TMTC1: variants seen among roughly 807,000 people sequenced by gnomAD.
TMTC1 encodes the protein protein O-mannosyl-transferase TMTC1.
A neutral mutation model predicts 104.8 loss-of-function variants in TMTC1; 73 were observed. The observed-to-expected ratio is 0.70, with a 90% CI of 0.58 to 0.85. The LOEUF (loss-of-function observed/expected upper bound fraction) is 0.85, where lower values mean the gene tolerates loss of function less well. Among genes scored for constraint, TMTC1 ranks in the 40% least tolerant of loss-of-function variants. The pLI is 0.00. For synonymous variants in TMTC1, 434 were observed against 428.7 expected (o/e 1.01, Z -0.15); for missense variants, 1,035 against 1,096.1 (o/e 0.94, Z 0.79).
intron 5 of TMTC1, among the ~76,000 whole-genome samples, chr12:29,699,649 C>CTTTTTT (rs71444337): frequency 1.0e-4 from 9 of 86,876 alleles, no homozygotes; most frequent in Admixed American, 1.5e-4. Context: ...TCATCTGGTG[C>CTTTTTT]TTTTTTTTTT....
chr12:29,761,902 C>T (rs764680922), intron 2 of TMTC1, among the ~76,000 whole-genome samples: 5 of 152,116 alleles, frequency 3.3e-5, no homozygotes, highest in South Asian at 2.1e-4. Context: ...TGGAGGTGGT[C>T]GGACGCAGTG....
At chr12:29,525,705 G>A (rs999099228) in intron 11 of TMTC1, among the ~76,000 whole-genome samples, 2 of 152,044 alleles carry the variant, frequency 1.3e-5, no homozygotes, top group Non-Finnish European at 2.9e-5. Flanking sequence ...TTAGGGATAT[G>A]GGCCCTCTAC....
intron 10 of TMTC1, among the ~76,000 whole-genome samples, chr12:29,543,331 G>GT (rs1475208711): frequency 1.3e-5 from 2 of 152,212 alleles, no homozygotes; most frequent in Non-Finnish European, 2.9e-5. Context: ...GGGTAAGTTT[G>GT]TCAATTTAGA....
intron 7 of TMTC1, among the ~76,000 whole-genome samples, chr12:29,592,532 G>A (rs778545772): frequency 6.6e-6 from 1 of 152,112 alleles, no homozygotes; most frequent in Non-Finnish European, 1.5e-5. Context: ...AAATGCCAAT[G>A]CTTTCACCTT....
At chr12:29,709,648 C>T (rs983854861) in intron 5 of TMTC1, among the ~76,000 whole-genome samples, 3 of 152,184 alleles carry the variant, frequency 2.0e-5, no homozygotes, top group Non-Finnish European at 4.4e-5. Context: ...AAGCCTCTCT[C>T]TCTTTTCTCT....
At chr12:29,734,677 C>T (rs189250202) in intron 5 of TMTC1, among the ~76,000 whole-genome samples, 22 of 152,268 alleles carry the variant, frequency 1.4e-4, no homozygotes, top group Admixed American at 3.9e-4. Flanking sequence ...GCCACACTAG[C>T]GATTTTTCAA....
At chr12:29,693,364 T>C (rs1213611248) in intron 5 of TMTC1, among the ~76,000 whole-genome samples, 1 of 144,624 alleles carries the variant, frequency 6.9e-6, no homozygotes, top group African/African-American at 2.5e-5. Flanking sequence ...TTTCTTTGTG[T>C]TGGGTAGATT....
intron 2 of TMTC1, among the ~76,000 whole-genome samples, chr12:29,760,426 T>C: frequency 6.6e-6 from 1 of 152,128 alleles, no homozygotes; most frequent in Admixed American, 6.5e-5. Flanking sequence ...AAAATATCAA[T>C]GGATGCTAAA....
intron 10 of TMTC1, among the ~76,000 whole-genome samples, chr12:29,552,769 G>C (rs1446816677): frequency 1.3e-5 from 2 of 152,112 alleles, no homozygotes; most frequent in Admixed American, 1.3e-4. Context: ...TAAGTTCCAG[G>C]TTATAAAGAA....
At chr12:29,641,189 TTGGGAG>T (rs1415288650) in intron 5 of TMTC1, 1 of 152,298 alleles carries the variant, frequency 6.6e-6, no homozygotes, top group East Asian at 1.9e-4. Context: ...GCATATACTC[TTGGGAG>T]TTCTAGGGCC....
At chr12:29,738,261 C>T (rs999637293) in intron 5 of TMTC1, among the ~76,000 whole-genome samples, 1 of 152,194 alleles carries the variant, frequency 6.6e-6, no homozygotes, top group African/African-American at 2.4e-5. Context: ...AATCCCTGAG[C>T]ACGCCACAGC....
In TMTC1 at chr12:29,672,130, T is replaced by C. The variant is rs887066147; in HGVS notation, c.939-38794A>G. Among the ~76,000 whole-genome samples, 4 of 152,348 alleles carry C rather than the reference T, an allele frequency of 2.6e-5. No homozygotes were observed. The East Asian group carries it at 7.7e-4, about 29-fold the overall frequency. Reference sequence around the variant, plus strand: ...CAGTATGACATCCCTACATGATTGATGGTGACTCCATCTCCCTTGGCTCAG... The same window carrying C: ...CAGTATGACATCCCTACATGATTGACGGTGACTCCATCTCCCTTGGCTCAG... On this transcript the variant is annotated intron_variant, in intron 5 of 17. Coordinates refer to ENST00000539277, the MANE Select transcript of TMTC1 (RefSeq NM_001193451.2).
intron 9 of TMTC1, chr12:29,569,040 T>G (rs1257878844): frequency 1.8e-5 from 8 of 453,710 alleles, no homozygotes; most frequent in Non-Finnish European, 3.5e-5. Flanking sequence ...AGCTAACACT[T>G]GATGTTTGTT....
At chr12:29,529,718 C>T (rs1008201564) in intron 11 of TMTC1, among the ~76,000 whole-genome samples, 3 of 152,150 alleles carry the variant, frequency 2.0e-5, no homozygotes, top group African/African-American at 7.2e-5. Flanking sequence ...CATATGTCAT[C>T]AGTATGAGCA....
chr12:29,656,804 G>A (rs1432267904), intron 5 of TMTC1, among the ~76,000 whole-genome samples: 1 of 152,092 alleles, frequency 6.6e-6, no homozygotes, highest in Admixed American at 6.6e-5. Flanking sequence ...GCAGAATCTA[G>A]CAAATGGTTG....
At chr12:29,547,111 G>T (rs299465) in intron 10 of TMTC1, among the ~76,000 whole-genome samples, 101,671 of 152,020 alleles carry the variant, frequency 0.67, 35,409 homozygotes, top group Middle Eastern at 0.83. Context: ...ACTTGACAAA[G>T]CAGTCTGGCC....
intron 8 of TMTC1, among the ~76,000 whole-genome samples, chr12:29,575,004 G>A (rs2136308031): frequency 6.6e-6 from 1 of 152,224 alleles, no homozygotes; most frequent in Non-Finnish European, 1.5e-5. Flanking sequence ...TCTGCCTGGG[G>A]TGATACCAAC....
chr12:29,632,683 T>A (rs1938356850), intron 6 of TMTC1, among the ~76,000 whole-genome samples: 1 of 152,224 alleles, frequency 6.6e-6, no homozygotes, highest in Non-Finnish European at 1.5e-5. Context: ...AATGAACTAG[T>A]ACATTTGCCT....
intron 5 of TMTC1, among the ~76,000 whole-genome samples, chr12:29,661,943 T>C (rs1352544864): frequency 6.6e-6 from 1 of 152,152 alleles, no homozygotes; most frequent in African/African-American, 2.4e-5. Context: ...GAGTTCTGGA[T>C]ATCTACATAT....
Sources: gnomAD v4.1 joint callset for allele counts (sites outside exome capture counted in the v4.1 genomes callset) on GRCh38, gnomAD v4.1.1 for gene constraint, MANE v1.5 for transcripts, NCBI Gene and HGNC (gene_info 2026-07-23, HGNC 2026-07-21) for gene names.